PLD5: variants seen among roughly 807,000 people sequenced by gnomAD.
PLD5 encodes phospholipase D family member 5, also known as inactive phospholipase D5.
PLD5 carries 36 observed loss-of-function variants against 61.1 expected under a neutral mutation model. The ratio of observed to expected loss-of-function variants is 0.59; its 90% CI spans 0.45 to 0.78. The LOEUF (loss-of-function observed/expected upper bound fraction) is 0.78, where lower values mean the gene tolerates loss of function less well. Among genes scored for constraint, PLD5 ranks in the 30% least tolerant of loss-of-function variants. The pLI, the probability that PLD5 is intolerant of heterozygous loss-of-function variation, is 0.00. For synonymous variants in PLD5, 243 were observed against 242.8 expected, an observed-to-expected ratio of 1.00 and a Z score of -0.01; for missense variants, 515 against 644.4, an observed-to-expected ratio of 0.80 and a Z score of 2.17.
intron 1 of PLD5, among the ~76,000 whole-genome samples, chr1:242,487,030 G>C (rs1667987257): frequency 6.6e-6 from 1 of 151,902 alleles, no homozygotes; most frequent in South Asian, 2.1e-4. Context: ...ATGGACACCG[G>C]AAGGGGAACA....
intron 1 of PLD5, among the ~76,000 whole-genome samples, chr1:242,457,067 CT>C (rs1432305570): frequency 6.6e-6 from 1 of 152,158 alleles, no homozygotes; most frequent in Non-Finnish European, 1.5e-5. Flanking sequence ...TCTGGGCTCC[CT>C]GTCAAACCGG....
intron 4 of PLD5, among the ~76,000 whole-genome samples, chr1:242,241,306 GA>G (rs1370672080): frequency 6.6e-6 from 1 of 152,024 alleles, no homozygotes; most frequent in Non-Finnish European, 1.5e-5. Flanking sequence ...TTATCATATT[GA>G]AAAAGCCCTG....
intron 1 of PLD5, among the ~76,000 whole-genome samples, chr1:242,513,241 G>A (rs375158948): frequency 7.9e-5 from 12 of 152,080 alleles, no homozygotes; most frequent in African/African-American, 1.2e-4. Context: ...AGCATATGCC[G>A]TCTTATTCTT....
intron 5 of PLD5, among the ~76,000 whole-genome samples, chr1:242,174,086 GA>G (rs1330978412): frequency 6.6e-5 from 10 of 152,092 alleles, no homozygotes; most frequent in African/African-American, 2.4e-4. Context: ...CACAGCAAAA[GA>G]AACTACCATC....
intron 5 of PLD5, among the ~76,000 whole-genome samples, chr1:242,192,846 C>A (rs1164624171): frequency 6.6e-6 from 1 of 152,052 alleles, no homozygotes; most frequent in Non-Finnish European, 1.5e-5. Context: ...CCCCTTCGGC[C>A]TACTGTATTG....
intron 5 of PLD5, among the ~76,000 whole-genome samples, chr1:242,212,637 G>T (rs529072561): frequency 6.6e-6 from 1 of 152,308 alleles, no homozygotes; most frequent in South Asian, 2.1e-4. Flanking sequence ...GAGCAGTACA[G>T]AAAGAAGCAG....
At chr1:242,177,547 T>C (rs943487235) in intron 5 of PLD5, among the ~76,000 whole-genome samples, 18 of 152,072 alleles carry the variant, frequency 1.2e-4, no homozygotes, top group African/African-American at 4.1e-4. Flanking sequence ...ACATGTACCC[T>C]AGAACTTATA....
chr1:242,312,634 G>T (rs546684409), intron 2 of PLD5, among the ~76,000 whole-genome samples: 1 of 152,252 alleles, frequency 6.6e-6, no homozygotes, highest in Non-Finnish European at 1.5e-5. Flanking sequence ...ACTTTTAGCT[G>T]TCTGAGCTCC....
chr1:242,457,596 A>G (rs908382699), intron 1 of PLD5, among the ~76,000 whole-genome samples: 1 of 152,210 alleles, frequency 6.6e-6, no homozygotes, highest in Admixed American at 6.5e-5. Context: ...CTGAAAATGC[A>G]TGCAACAACA....
intron 1 of PLD5, among the ~76,000 whole-genome samples, chr1:242,515,273 C>T (rs905390058): frequency 2.6e-5 from 4 of 152,042 alleles, no homozygotes; most frequent in Admixed American, 2.0e-4. Flanking sequence ...AGTGCAATGG[C>T]ACAATCTTGG....
At chr1:242,262,350 G>A (rs192087767) in intron 4 of PLD5, among the ~76,000 whole-genome samples, 13 of 152,332 alleles carry the variant, frequency 8.5e-5, no homozygotes, top group African/African-American at 2.2e-4. Context: ...TGTCTGCAAC[G>A]TTCTACATCT....
At chr1:242,247,450 T>A (rs1672456522) in intron 4 of PLD5, among the ~76,000 whole-genome samples, 1 of 152,216 alleles carries the variant, frequency 6.6e-6, no homozygotes, top group African/African-American at 2.4e-5. Context: ...AAAAAACCCA[T>A]TTAATGAGAT....
chr1:242,490,650 G>A (rs556918452), intron 1 of PLD5, among the ~76,000 whole-genome samples: 1 of 152,204 alleles, frequency 6.6e-6, no homozygotes, highest in East Asian at 1.9e-4. Flanking sequence ...GCAATGCCTC[G>A]GTTCTCAGCA....
chr1:242,410,345 T>C (rs1664480264), intron 1 of PLD5, among the ~76,000 whole-genome samples: 1 of 152,182 alleles, frequency 6.6e-6, no homozygotes, highest in Admixed American at 6.5e-5. Context: ...TACACAGTTA[T>C]ACCTGGACAG....
intron 5 of PLD5, among the ~76,000 whole-genome samples, chr1:242,198,350 T>C (rs1223646597): frequency 1.3e-5 from 2 of 152,186 alleles, no homozygotes; most frequent in Non-Finnish European, 2.9e-5. Flanking sequence ...CACGAAATGC[T>C]TTTGCAGCTT....
intron 1 of PLD5, among the ~76,000 whole-genome samples, chr1:242,436,474 T>A (rs903087335): frequency 6.6e-6 from 1 of 151,908 alleles, no homozygotes; most frequent in African/African-American, 2.4e-5. Flanking sequence ...GTTCTTAGAA[T>A]TCACCTTTTA....
chr1:242,376,310 A>G (rs1417275142), intron 1 of PLD5, among the ~76,000 whole-genome samples: 1 of 152,152 alleles, frequency 6.6e-6, no homozygotes, highest in Non-Finnish European at 1.5e-5. Flanking sequence ...GACTGCTTTA[A>G]ACACCCTTCG....
intron 5 of PLD5, among the ~76,000 whole-genome samples, chr1:242,184,777 A>AAGAGT (rs1229359151): frequency 1.1e-4 from 16 of 152,110 alleles, no homozygotes; most frequent in African/African-American, 3.6e-4. Context: ...AGAGAAAAGC[A>AAGAGT]AGAGTATCAG....
At chr1:242,376,864 CA>C in intron 1 of PLD5, 2 of 1,511,294 alleles carry the variant, frequency 1.3e-6, no homozygotes, top group Non-Finnish European at 1.8e-6. Context: ...CTTTTTGTAA[CA>C]AAAATGTCTT....
Sources: allele counts gnomAD v4.1 joint callset (sites outside exome capture counted in the v4.1 genomes callset), GRCh38; gene constraint gnomAD v4.1.1; transcripts MANE v1.5; gene names NCBI Gene and HGNC (gene_info 2026-07-23, HGNC 2026-07-21).